The following FRY variants were observed in gnomAD, a reference collection of about 807,000 sequenced individuals.
FRY encodes the protein protein furry homolog.
FRY carries 128 observed loss-of-function variants against 348.4 expected under a neutral mutation model. The ratio of observed to expected loss-of-function variants is 0.37; its 90% CI spans 0.32 to 0.43. The LOEUF (loss-of-function observed/expected upper bound fraction) is 0.43. Among genes scored for constraint, FRY ranks in the 20% least tolerant of loss-of-function variants. The pLI is 1.00. For missense variants in FRY, 2,736 were observed against 3,695.2 expected, an observed-to-expected ratio of 0.74 and a Z score of 6.73; for synonymous variants, 1,370 against 1,374.7, an observed-to-expected ratio of 1.00 and a Z score of 0.08.
chr13:32,190,361 C>T (rs1270930600), intron 28 of FRY, among the ~76,000 whole-genome samples: 1 of 151,994 alleles, frequency 6.6e-6, no homozygotes, highest in Non-Finnish European at 1.5e-5. Flanking sequence ...AATAATAAAA[C>T]ATAAATAAAA....
At position 32,265,536 on chromosome 13, in the gene FRY, A is replaced by G. The variant is rs183151729; in HGVS notation, c.7866A>G (p.Glu2622=). 242 of 1,614,192 alleles carry G rather than the reference A, an allele frequency of 1.5e-4. No individual in the cohort carries two copies. The East Asian group carries it at 4.6e-3, about 31-fold the overall frequency. ...TCAATGAACTCCCAGCAGCTTTTGAATGCAGCGACAGCTTTAGCCTGGACA... is the reference window on the plus strand; with the variant it reads ...TCAATGAACTCCCAGCAGCTTTTGAGTGCAGCGACAGCTTTAGCCTGGACA... ...SSINELPAAF[E]CSDSFSLDMT... is the part of the protein sequence containing the mutation. Residue 2622 remains glutamate (E), a synonymous_variant, in exon 54 of 61, where the codon GAA becomes GAG. Transcript: ENST00000542859.
At chr13:32,178,652 G>A (rs1882514515) in intron 21 of FRY, among the ~76,000 whole-genome samples, 192 bp from the exon 22 acceptor site, 1 of 152,120 alleles carries the variant, frequency 6.6e-6, no homozygotes, top group African/African-American at 2.4e-5. Flanking sequence ...TATAATTTCA[G>A]ACTTTTAATG....
intron 17 of FRY, 56 bp downstream of exon 17, chr13:32,161,307 G>GAA: frequency 7.2e-5 from 71 of 988,322 alleles, no homozygotes; most frequent in Non-Finnish European, 1.0e-4. Flanking sequence ...TGTGACTCCT[G>GAA]AAAAAAAAAT....
At chr13:32,103,917 C>G (rs1408812258) in intron 3 of FRY, among the ~76,000 whole-genome samples, 1 of 151,966 alleles carries the variant, frequency 6.6e-6, no homozygotes, top group Non-Finnish European at 1.5e-5. Flanking sequence ...GAGCCGAGTT[C>G]ACGCCACTGC....
chr13:32,267,583 T>C (rs1305428736), intron 55 of FRY, among the ~76,000 whole-genome samples: 2 of 152,200 alleles, frequency 1.3e-5, no homozygotes, highest in Admixed American at 1.3e-4. Context: ...GAAGTACCTT[T>C]CATTCCTGCA....
At chr13:32,064,100 A>C (rs1328811861) in intron 1 of FRY, among the ~76,000 whole-genome samples, 1 of 152,170 alleles carries the variant, frequency 6.6e-6, no homozygotes, top group Non-Finnish European at 1.5e-5. Flanking sequence ...TGCGTATATA[A>C]TATGTCATAG....
chr13:32,216,388 G>A lies in FRY; in HGVS notation c.4683-2361G>A, dbSNP rs925389717. ...CCAGAACAAGGAGAACAGTCTGGAA[G>A]GGACTTGCTCCTCCCCTTTATTCCA... On this transcript the variant is annotated intron_variant, in intron 35 of 60. Transcript: ENST00000542859. 2.0e-5 allele frequency among the ~76,000 whole-genome samples: 3 copies of A among 152,310 alleles called. No individual in the cohort carries two copies. The East Asian group carries it at 5.8e-4, about 29-fold the overall frequency.
chr13:32,175,863 A>C (rs369267659), intron 20 of FRY, among the ~76,000 whole-genome samples: 4 of 152,224 alleles, frequency 2.6e-5, no homozygotes, highest in Non-Finnish European at 5.9e-5. Flanking sequence ...TTTAAACAAC[A>C]GTTTTAAGAA....
chr13:32,289,810 C>A (rs1169519740), intron 59 of FRY, 67 bp downstream of exon 59: 1 of 842,676 alleles, frequency 1.2e-6, no homozygotes, highest in South Asian at 1.3e-5. Context: ...CTTCCTCACT[C>A]CACCCCTTTT....
At chr13:32,292,790 C>CCATAAATA (rs1555277252) in intron 59 of FRY, among the ~76,000 whole-genome samples, 4 of 141,016 alleles carry the variant, frequency 2.8e-5, no homozygotes, top group Non-Finnish European at 6.1e-5. Context: ...GACTCCATCT[C>CCATAAATA]AATAAATAAA....
In FRY at chr13:32,224,252, T is replaced by C; in HGVS notation, c.4783T>C (p.Tyr1595His). ...DEDKNDPISP[Y>H]TGWLLTITET... ...CCCTCCAGATGATCCAATTTCTCCC[T>C]ACACGGGCTGGTTGCTGACTATTAC... The change falls in exon 37 of 61, where the codon TAC becomes CAC. Residue 1595 changes from tyrosine (Y) to histidine (H), a missense_variant. Physicochemically the swap from Tyr to His is moderately conservative, Grantham distance 83. Transcript: ENST00000542859. The C allele has an allele frequency of 6.2e-7, 1 of 1,614,180 alleles. No homozygotes were observed. Among genetic ancestry groups the C allele is most frequent in the Non-Finnish European group, 8.5e-7 (1 of 1,180,004 alleles).
chr13:32,157,039 A>G (rs1481348284), intron 15 of FRY, among the ~76,000 whole-genome samples: 7 of 152,202 alleles, frequency 4.6e-5, no homozygotes, highest in African/African-American at 7.2e-5. Context: ...AATACTTCCA[A>G]TTGAGTATTA....
At chr13:32,268,288 G>A (rs1888018495) in intron 55 of FRY, among the ~76,000 whole-genome samples, 1 of 151,964 alleles carries the variant, frequency 6.6e-6, no homozygotes, top group Admixed American at 6.6e-5. Flanking sequence ...AACATGCCTT[G>A]CTGTGAAGAA....
Position 32,202,018 on chromosome 13 carries a change from A to C in FRY, c.3824A>C (p.Glu1275Ala). ...TCTGACACCAACAGAGAGATTTATG[A>C]AATCTCCATGCAGCTCATGCAGGCA... is the stretch of plus-strand genomic sequence containing the variant. ...KASDTNREIY[E>A]ISMQLMQILE... The change falls in exon 30 of 61, where the codon GAA becomes GCA. Residue 1275 changes from glutamate (E) to alanine (A), a missense_variant. Around this residue, in one of 9 missense-constraint regions of FRY, gnomAD observed 794 missense variants for 977.0 expected, o/e 0.81. Coordinates refer to ENST00000542859, the MANE Select transcript of FRY (RefSeq NM_023037.3). The C allele has an allele frequency of 6.3e-7, 1 of 1,595,740 alleles. No homozygotes were observed. The highest frequency in any genetic ancestry group is 8.6e-7 in the Non-Finnish European group (1 of 1,163,440).
chr13:32,087,404 A>C (rs1453137733), intron 2 of FRY, among the ~76,000 whole-genome samples: 3 of 152,214 alleles, frequency 2.0e-5, no homozygotes, highest in Admixed American at 1.3e-4. Flanking sequence ...CAAAGCTGGC[A>C]TCAGGACAAC....
At chr13:32,141,888 T>C (rs773439753) in intron 11 of FRY, among the ~76,000 whole-genome samples, 1 of 152,032 alleles carries the variant, frequency 6.6e-6, no homozygotes, top group Non-Finnish European at 1.5e-5. Flanking sequence ...GAAGATCTAC[T>C]CTGAAGCCCA....
At chr13:32,188,306 C>T (rs561494137) in intron 28 of FRY, among the ~76,000 whole-genome samples, 1 of 152,244 alleles carries the variant, frequency 6.6e-6, no homozygotes, top group South Asian at 2.1e-4. Flanking sequence ...CATGTCAATG[C>T]CACGTTCTCT....
In FRY at chr13:32,139,573, G is replaced by T. The variant is rs527449884; in HGVS notation, c.1179+2601G>T. On this transcript the variant is annotated intron_variant, in intron 11 of 60. Transcript: ENST00000542859. ...ACACTCACTTAATGTCAGTGCCCTG[G>T]TTTATTCCCAGCATTAGTCAGTCAG... Among the ~76,000 whole-genome samples the T allele has an allele frequency of 3.3e-5, 5 of 152,336 alleles. No individual in the cohort carries two copies. In the East Asian group the frequency reaches 9.6e-4, roughly 29 times the overall value.
chr13:32,038,274 T>C (rs1566040238), intron 1 of FRY, among the ~76,000 whole-genome samples: 1 of 152,226 alleles, frequency 6.6e-6, no homozygotes, highest in Non-Finnish European at 1.5e-5. Flanking sequence ...GTAGAACTTT[T>C]AAAAAATGCA....
Sources: allele counts gnomAD v4.1 joint callset (sites outside exome capture counted in the v4.1 genomes callset), GRCh38; gene constraint gnomAD v4.1.1; regional missense constraint gnomAD v4.1.1; transcripts MANE v1.5; gene names NCBI Gene and HGNC (gene_info 2026-07-23, HGNC 2026-07-21).